Variants in NSUN3 observed in about 807,000 individuals in gnomAD.
The protein encoded by NSUN3 is tRNA (cytosine(34)-C(5))-methyltransferase, mitochondrial.
In NSUN3, 24 loss-of-function variants were observed where a neutral mutation model predicts 36.8. The observed-to-expected ratio is 0.65, with a 90% CI of 0.47 to 0.92. NSUN3 has a LOEUF of 0.92. NSUN3 is among the 40% of genes least tolerant of loss of function. The probability of loss-of-function intolerance (pLI) is 0.00; values close to 1 mark genes in which losing one functional copy is unlikely to be tolerated. For synonymous variants in NSUN3, 146 were observed against 145.2 expected, an observed-to-expected ratio of 1.01 and a Z score of -0.04; for missense variants, 381 against 392.8, an observed-to-expected ratio of 0.97 and a Z score of 0.25.
chr3:94,116,192 T>G (rs1176684583), intron 5 of NSUN3, among the ~76,000 whole-genome samples: 2 of 152,160 alleles, frequency 1.3e-5, no homozygotes, highest in African/African-American at 4.8e-5. Context: ...GTCTGTCTTG[T>G]GCTAGAGAAG....
chr3:94,103,633 C>A (rs948893876), intron 5 of NSUN3, among the ~76,000 whole-genome samples: 1 of 151,868 alleles, frequency 6.6e-6, no homozygotes, highest in African/African-American at 2.4e-5. Context: ...TAATGATATA[C>A]AATTGATATC....
intron 5 of NSUN3, among the ~76,000 whole-genome samples, chr3:94,125,226 GTTCT>G (rs2077480633): frequency 1.3e-5 from 2 of 151,992 alleles, no homozygotes; most frequent in South Asian, 4.2e-4. Flanking sequence ...TGTTTATTTT[GTTCT>G]TTCTCTTACA....
At chr3:94,068,894 C>T (rs1420790754) in intron 2 of NSUN3, among the ~76,000 whole-genome samples, 1 of 152,040 alleles carries the variant, frequency 6.6e-6, no homozygotes, top group Non-Finnish European at 1.5e-5. Flanking sequence ...GAACCAGTAT[C>T]TAGATTTCTA....
intron 5 of NSUN3, among the ~76,000 whole-genome samples, chr3:94,113,411 T>G (rs2077426378): frequency 6.6e-6 from 1 of 152,166 alleles, no homozygotes; most frequent in Non-Finnish European, 1.5e-5. Flanking sequence ...GCCTCAGAAC[T>G]TAATTGAAAG....
intron 2 of NSUN3, among the ~76,000 whole-genome samples, chr3:94,082,734 T>C (rs544951767): frequency 6.6e-6 from 1 of 152,182 alleles, no homozygotes; most frequent in Non-Finnish European, 1.5e-5. Context: ...TCAGTTGATA[T>C]GAGTTTGTGA....
rs563408711 is a variant in NSUN3, at chr3:94,097,437, A to T, written c.743+2283A>T. Among the ~76,000 whole-genome samples the T allele has an allele frequency of 1.1e-4, 16 of 152,240 alleles. No homozygotes were observed. The South Asian group carries it at 3.3e-3, about 32-fold the overall frequency. On this transcript the variant is annotated intron_variant, in intron 5 of 5. Transcript: ENST00000314622. ...ACTTTGTTCTCTTTAACTTACGTGA[A>T]ACATTCAAGAGGATCTATTGTATTC...
At chr3:94,112,857 G>A (rs2077423500) in intron 5 of NSUN3, among the ~76,000 whole-genome samples, 1 of 152,260 alleles carries the variant, frequency 6.6e-6, no homozygotes, top group African/African-American at 2.4e-5. Flanking sequence ...AAGATGTGAA[G>A]AGAATAACAA....
At chr3:94,118,204 A>G (rs1176025252) in intron 5 of NSUN3, among the ~76,000 whole-genome samples, 4 of 152,202 alleles carry the variant, frequency 2.6e-5, no homozygotes, top group Non-Finnish European at 4.4e-5. Context: ...TAAAACATAT[A>G]CCTTCAGATT....
At chr3:94,109,123 GA>G (rs2077404912) in intron 5 of NSUN3, among the ~76,000 whole-genome samples, 1 of 152,188 alleles carries the variant, frequency 6.6e-6, no homozygotes, top group African/African-American at 2.4e-5. Context: ...GAGAATCAAT[GA>G]AAGTTTCAAA....
chr3:94,073,188 T>C (rs1406923149), intron 2 of NSUN3, among the ~76,000 whole-genome samples: 1 of 152,210 alleles, frequency 6.6e-6, no homozygotes, highest in Non-Finnish European at 1.5e-5. Context: ...ACATTTTCTT[T>C]ATCCAGTCTA....
intron 5 of NSUN3, among the ~76,000 whole-genome samples, chr3:94,105,143 G>A (rs936183260): frequency 1.3e-5 from 2 of 152,164 alleles, no homozygotes; most frequent in Non-Finnish European, 2.9e-5. Context: ...GGATGACCTG[G>A]CTATTTTGGG....
At chr3:94,119,053 T>C (rs985248599) in intron 5 of NSUN3, among the ~76,000 whole-genome samples, 6 of 152,334 alleles carry the variant, frequency 3.9e-5, no homozygotes, top group Middle Eastern at 3.4e-3. Flanking sequence ...AAACCTGTGA[T>C]AATAATTTCT....
chr3:94,115,386 G>A (rs187672137), intron 5 of NSUN3, among the ~76,000 whole-genome samples: 91 of 152,184 alleles, frequency 6.0e-4, no homozygotes, highest in African/African-American at 1.9e-3. Context: ...TGCTTCCAAC[G>A]GAAGGGTACT....
intron 2 of NSUN3, among the ~76,000 whole-genome samples, chr3:94,067,655 A>G (rs148660900): frequency 6.0e-4 from 91 of 152,326 alleles, no homozygotes; most frequent in African/African-American, 1.9e-3. Flanking sequence ...TTATGGCACT[A>G]TGTACCAGTC....
In NSUN3 at chr3:94,130,430, G is replaced by A. The variant is rs1343186980; in HGVS notation, c.*3940G>A. Among the ~76,000 whole-genome samples the A allele has an allele frequency of 6.6e-6, 1 of 152,180 alleles. No individual in the cohort carries two copies. Among genetic ancestry groups the A allele is most frequent in the Non-Finnish European group, 1.5e-5 (1 of 68,046 alleles). ...TGTCTGCATTTTTCCATTGATTGGA[G>A]TGCATCCTTAGAAAACTGAAAATAA... On this transcript the variant is annotated 3_prime_UTR_variant, in exon 6 of 6. Coordinates refer to ENST00000314622, the MANE Select transcript of NSUN3 (RefSeq NM_022072.5).
chr3:94,094,192 G>C lies in NSUN3; in HGVS notation c.519G>C (p.Gln173His). ...GTCTGAGATTGAGGTGGCTAAGGCA[G>C]ACGTTGGAATCTTTCATCCCACAGC... ...YDSLRLRWLR[Q>H]TLESFIPQPL... The change falls in exon 4 of 6, where the codon CAG (glutamine) becomes CAC (histidine). Residue 173 changes from glutamine to histidine, a missense_variant. Coordinates refer to ENST00000314622, the MANE Select transcript of NSUN3 (RefSeq NM_022072.5). 1 of 1,613,384 alleles carries C rather than the reference G, an allele frequency of 6.2e-7. No individual in the cohort carries two copies. Among genetic ancestry groups the C allele is most frequent in the Non-Finnish European group, 8.5e-7 (1 of 1,179,542 alleles).
At chr3:94,101,326 A>G (rs374901201) in intron 5 of NSUN3, among the ~76,000 whole-genome samples, 3 of 152,178 alleles carry the variant, frequency 2.0e-5, no homozygotes, top group African/African-American at 7.2e-5. Context: ...CTGTTAGTAG[A>G]TATGTAATAC....
At chr3:94,100,523 G>T (rs936915607) in intron 5 of NSUN3, among the ~76,000 whole-genome samples, 2 of 152,186 alleles carry the variant, frequency 1.3e-5, no homozygotes, top group African/African-American at 4.8e-5. Context: ...CTAACTCTCG[G>T]TTAGACTGAA....
At chr3:94,120,563 T>A (rs1375722160) in intron 5 of NSUN3, among the ~76,000 whole-genome samples, 1 of 152,256 alleles carries the variant, frequency 6.6e-6, no homozygotes, top group East Asian at 1.9e-4. Flanking sequence ...CATAATGTTC[T>A]CAGGGTTAAT....
Sources: allele counts gnomAD v4.1 joint callset (sites outside exome capture counted in the v4.1 genomes callset), GRCh38; gene constraint gnomAD v4.1.1; transcripts MANE v1.5; gene names NCBI Gene and HGNC (gene_info 2026-07-23, HGNC 2026-07-21).